Variants in MGAT4C observed in about 807,000 individuals in gnomAD.
The protein encoded by MGAT4C is alpha-1,3-mannosyl-glycoprotein 4-beta-N-acetylglucosaminyltransferase C.
In MGAT4C, 19 loss-of-function variants were observed where a neutral mutation model predicts 40.1. The ratio of observed to expected loss-of-function variants is 0.47; its 90% CI spans 0.33 to 0.70. The LOEUF (loss-of-function observed/expected upper bound fraction) is 0.70. Among genes scored for constraint, MGAT4C ranks in the 30% least tolerant of loss-of-function variants. The pLI is 0.02. For missense variants in MGAT4C, 491 were observed against 563.2 expected, an observed-to-expected ratio of 0.87 and a Z score of 1.30; for synonymous variants, 181 against 187.1, an observed-to-expected ratio of 0.97 and a Z score of 0.27.
chr12:86,768,568 T>G (rs1435662742), intron 1 of MGAT4C, among the ~76,000 whole-genome samples: 1 of 151,694 alleles, frequency 6.6e-6, no homozygotes, highest in Non-Finnish European at 1.5e-5. Flanking sequence ...AAGTCAATCC[T>G]AAGCCAAAAG....
intron 2 of MGAT4C, among the ~76,000 whole-genome samples, chr12:86,530,522 A>G (rs1958963165): frequency 6.6e-6 from 1 of 151,972 alleles, no homozygotes; most frequent in Admixed American, 6.6e-5. Context: ...AGCAACACTA[A>G]CTCTTGCAGG....
At chr12:86,003,381 A>T (rs1012234666) in intron 2 of MGAT4C, among the ~76,000 whole-genome samples, 1 of 152,194 alleles carries the variant, frequency 6.6e-6, no homozygotes, top group Non-Finnish European at 1.5e-5. Flanking sequence ...AGGATTAAAA[A>T]AATTATCAGT....
chr12:86,787,194 T>C (rs1338971028), intron 1 of MGAT4C, among the ~76,000 whole-genome samples: 1 of 152,168 alleles, frequency 6.6e-6, no homozygotes. Context: ...CTCTCTATGT[T>C]CGTGTGTACA....
intron 3 of MGAT4C, among the ~76,000 whole-genome samples, chr12:86,379,782 A>G (rs1383565307): frequency 6.6e-6 from 1 of 152,156 alleles, no homozygotes; most frequent in African/African-American, 2.4e-5. Flanking sequence ...ATAATCTTAT[A>G]TCTGCTCTTT....
At chr12:86,268,840 T>C (rs1167990374) in intron 4 of MGAT4C, among the ~76,000 whole-genome samples, 1 of 147,498 alleles carries the variant, frequency 6.8e-6, no homozygotes, top group African/African-American at 2.5e-5. Flanking sequence ...GTGGCACATT[T>C]TTTTCTTCTT....
chr12:85,986,515 G>T (rs2136705168), intron 3 of MGAT4C, among the ~76,000 whole-genome samples: 1 of 152,250 alleles, frequency 6.6e-6, no homozygotes, highest in African/African-American at 2.4e-5. Flanking sequence ...AAGCAAATAT[G>T]CTAAACTGCT....
intron 2 of MGAT4C, among the ~76,000 whole-genome samples, chr12:86,447,998 T>A (rs889463815): frequency 5.9e-5 from 9 of 152,188 alleles, no homozygotes; most frequent in African/African-American, 9.7e-5. Context: ...GCGTCTGAGA[T>A]GTTGCTTTCA....
At chr12:86,516,687 C>CA in intron 2 of MGAT4C, among the ~76,000 whole-genome samples, 1 of 152,134 alleles carries the variant, frequency 6.6e-6, no homozygotes, top group East Asian at 1.9e-4. Context: ...CAACAAGCCA[C>CA]AAAATAGGAG....
chr12:86,589,720 T>G (rs1030386099), intron 2 of MGAT4C, among the ~76,000 whole-genome samples: 2 of 152,050 alleles, frequency 1.3e-5, no homozygotes, highest in African/African-American at 4.8e-5. Context: ...TCAAGTGGGC[T>G]TCATCCCTGG....
intron 2 of MGAT4C, among the ~76,000 whole-genome samples, chr12:86,689,578 C>A (rs1222832940): frequency 6.6e-6 from 1 of 152,200 alleles, no homozygotes; most frequent in Admixed American, 6.5e-5. Flanking sequence ...TTCTCTTGTG[C>A]AGGTCTGTTG....
intron 2 of MGAT4C, among the ~76,000 whole-genome samples, chr12:86,679,086 T>C (rs111310161): frequency 0.037 from 5,625 of 151,516 alleles, 142 homozygotes; most frequent in Non-Finnish European, 0.046. Context: ...TCCTCTCCAG[T>C]ACCTGTTGTT....
chr12:86,592,230 T>A (rs1488500105), intron 2 of MGAT4C, among the ~76,000 whole-genome samples: 2 of 152,012 alleles, frequency 1.3e-5, no homozygotes, highest in Non-Finnish European at 2.9e-5. Context: ...ATAGAAGATA[T>A]CATTAGTGTG....
intron 3 of MGAT4C, among the ~76,000 whole-genome samples, chr12:86,424,881 C>G (rs373276713): frequency 6.6e-6 from 1 of 152,210 alleles, no homozygotes; most frequent in African/African-American, 2.4e-5. Context: ...CTCAGCCTCC[C>G]GAGTAGCTGG....
chr12:86,059,784 C>T (rs1172295282), intron 1 of MGAT4C, among the ~76,000 whole-genome samples: 1 of 152,110 alleles, frequency 6.6e-6, no homozygotes, highest in Non-Finnish European at 1.5e-5. Context: ...TTCACTTGCC[C>T]CTTTCTCTGT....
intron 1 of MGAT4C, among the ~76,000 whole-genome samples, chr12:86,123,352 G>T (rs1879744788): frequency 6.6e-6 from 1 of 152,094 alleles, no homozygotes; most frequent in Non-Finnish European, 1.5e-5. Context: ...TTTCATGGGA[G>T]ATTGTATCAG....
intron 2 of MGAT4C, among the ~76,000 whole-genome samples, chr12:86,641,426 C>G (rs945351551): frequency 4.0e-5 from 6 of 151,354 alleles, no homozygotes; most frequent in African/African-American, 7.3e-5. Context: ...GCTAAATGAC[C>G]AGTTAATGGG....
intron 2 of MGAT4C, among the ~76,000 whole-genome samples, chr12:86,454,277 G>T (rs1167116635): frequency 6.6e-6 from 1 of 151,958 alleles, no homozygotes; most frequent in African/African-American, 2.4e-5. Context: ...GTCCAGGCTG[G>T]AATGCAGTGG....
intron 2 of MGAT4C, among the ~76,000 whole-genome samples, chr12:86,635,242 A>T (rs568357165): frequency 3.3e-5 from 5 of 152,072 alleles, no homozygotes; most frequent in Non-Finnish European, 7.4e-5. Flanking sequence ...CAGAAAGTCA[A>T]ATGCCAATTT....
chr12:86,320,425 T>C (rs1954354021), intron 4 of MGAT4C, among the ~76,000 whole-genome samples: 1 of 152,184 alleles, frequency 6.6e-6, no homozygotes, highest in South Asian at 2.1e-4. Context: ...CTTTTCATAC[T>C]ATTAGTTTAT....
Sources: allele counts gnomAD v4.1 joint callset (sites outside exome capture counted in the v4.1 genomes callset), GRCh38; gene constraint gnomAD v4.1.1; transcripts MANE v1.5; gene names NCBI Gene and HGNC (gene_info 2026-07-23, HGNC 2026-07-21).